SLIT3: variants seen among roughly 807,000 people sequenced by gnomAD.
SLIT3 encodes the protein slit homolog 3 protein.
Under a neutral mutation model 184.0 loss-of-function variants are expected in SLIT3, and 68 were observed. The observed-to-expected ratio is 0.37, with a 90% CI of 0.30 to 0.45. SLIT3 has a LOEUF of 0.45. SLIT3 is among the 20% of genes least tolerant of loss of function. SLIT3 has a pLI of 1.00. For missense variants in SLIT3, 1,707 were observed against 2,026.0 expected (o/e 0.84, Z 3.02); for synonymous variants, 831 against 828.6 (o/e 1.00, Z -0.05).
At chr5:169,078,794 A>G (rs1014301912) in intron 4 of SLIT3, among the ~76,000 whole-genome samples, 2 of 152,262 alleles carry the variant, frequency 1.3e-5, no homozygotes, top group South Asian at 4.1e-4. Flanking sequence ...TGTGGCAGAT[A>G]TCATACCAGA....
At chr5:169,138,772 T>A (rs1761619100) in intron 4 of SLIT3, among the ~76,000 whole-genome samples, 1 of 152,226 alleles carries the variant, frequency 6.6e-6, no homozygotes, top group Non-Finnish European at 1.5e-5. Context: ...GCATGGCATA[T>A]CCAGCAACAC....
chr5:168,669,252 C>T (rs10056503), intron 35 of SLIT3, among the ~76,000 whole-genome samples: 46,042 of 152,088 alleles, frequency 0.3, 7,627 homozygotes, highest in African/African-American at 0.43. Flanking sequence ...GTAGGTCATA[C>T]AAGACAAGTG....
chr5:169,137,333 C>G (rs62376878), intron 4 of SLIT3, among the ~76,000 whole-genome samples: 40,617 of 125,824 alleles, frequency 0.32, 6,414 homozygotes, highest in Middle Eastern at 0.43. Flanking sequence ...CACACACACA[C>G]ACAGAGAGAG....
At chr5:169,040,529 T>C (rs1055857786) in intron 4 of SLIT3, among the ~76,000 whole-genome samples, 12 of 152,344 alleles carry the variant, frequency 7.9e-5, no homozygotes, top group Admixed American at 4.6e-4. Flanking sequence ...CATCCTGCCC[T>C]TGACAACTTA....
intron 5 of SLIT3, among the ~76,000 whole-genome samples, chr5:168,869,513 G>A (rs1213747864): frequency 6.6e-6 from 1 of 152,186 alleles, no homozygotes; most frequent in Non-Finnish European, 1.5e-5. Context: ...AAGAAGGAAA[G>A]TCTCTGAGGC....
intron 15 of SLIT3, 62 bp downstream of exon 15, chr5:168,762,477 G>GCTGGCTC: frequency 6.4e-7 from 1 of 1,570,026 alleles, no homozygotes; most frequent in Non-Finnish European, 8.7e-7. Flanking sequence ...CCCTGCCCAC[G>GCTGGCTC]CTGGCTCCGG....
chr5:168,848,367 G>C (rs1758555116), intron 5 of SLIT3, among the ~76,000 whole-genome samples: 1 of 152,206 alleles, frequency 6.6e-6, no homozygotes, highest in Admixed American at 6.5e-5. Context: ...CTATCAGGGA[G>C]CCCTTGGGAA....
chr5:168,792,879 T>G (rs1286654877), intron 10 of SLIT3, among the ~76,000 whole-genome samples: 4 of 152,242 alleles, frequency 2.6e-5, no homozygotes, highest in African/African-American at 7.2e-5. Context: ...AGTGGAAAAT[T>G]CCACACCTGA....
chr5:168,781,026 C>T (rs1329933104), intron 12 of SLIT3, among the ~76,000 whole-genome samples: 1 of 152,214 alleles, frequency 6.6e-6, no homozygotes. Context: ...AACAGTGGCT[C>T]TTCCCTTCTC....
intron 3 of SLIT3, among the ~76,000 whole-genome samples, chr5:169,193,892 G>A (rs1258274813): frequency 9.2e-5 from 14 of 152,116 alleles, no homozygotes; most frequent in Admixed American, 2.6e-4. Flanking sequence ...CATGAGCTTC[G>A]TGTAGCTATT....
intron 4 of SLIT3, among the ~76,000 whole-genome samples, chr5:168,890,497 A>G (rs183303784): frequency 1.2e-4 from 18 of 152,354 alleles, no homozygotes; most frequent in East Asian, 1.9e-4. Flanking sequence ...CAGATAGACC[A>G]TGAACCTTGC....
intron 7 of SLIT3, 106 bp downstream of exon 7, chr5:168,823,154 C>T: frequency 2.2e-6 from 2 of 909,404 alleles, no homozygotes; most frequent in Non-Finnish European, 3.7e-6. Flanking sequence ...ATGTCGGAAC[C>T]ATCTGCCTAG....
chr5:169,044,599 T>TGGGGGGGGGGGGGGGGGGG (rs1581345949), intron 4 of SLIT3, among the ~76,000 whole-genome samples: 1 of 100,690 alleles, frequency 9.9e-6, no homozygotes, highest in African/African-American at 3.9e-5. Context: ...GGGGGGGGGA[T>TGGGGGGGGGGGGGGGGGGG]GGGGAGAAAT....
intron 4 of SLIT3, chr5:169,120,125 T>A (rs1021125117): frequency 2.0e-5 from 3 of 152,210 alleles, no homozygotes; most frequent in African/African-American, 7.2e-5. Context: ...CTACCTTTTG[T>A]CCCATTTAAA....
intron 4 of SLIT3, among the ~76,000 whole-genome samples, chr5:168,974,949 G>A (rs1426177684): frequency 2.0e-5 from 3 of 152,182 alleles, no homozygotes; most frequent in Non-Finnish European, 2.9e-5. Context: ...TTCATTTGCT[G>A]GACTTCCTCC....
intron 4 of SLIT3, among the ~76,000 whole-genome samples, chr5:169,038,481 C>G (rs1007553192): frequency 2.6e-5 from 4 of 152,098 alleles, no homozygotes; most frequent in African/African-American, 9.7e-5. Flanking sequence ...AAAAGGAAGA[C>G]CTATACTTAG....
At chr5:169,093,665 T>C (rs928930719) in intron 4 of SLIT3, among the ~76,000 whole-genome samples, 2 of 152,206 alleles carry the variant, frequency 1.3e-5, no homozygotes, top group Non-Finnish European at 1.5e-5. Context: ...AGAAGTAATA[T>C]ATTATTGTTA....
At chr5:169,248,878 T>A (rs982669365) in intron 2 of SLIT3, among the ~76,000 whole-genome samples, 4 of 152,210 alleles carry the variant, frequency 2.6e-5, no homozygotes, top group African/African-American at 9.6e-5. Context: ...TCTCCTTAAA[T>A]GCTCTTCATT....
In SLIT3 at chr5:168,928,725, G is replaced by A. The variant is rs1682348984; in HGVS notation, c.414-45389C>T. Among the ~76,000 whole-genome samples, 3 of 152,228 alleles carry A rather than the reference G, an allele frequency of 2.0e-5. No individual in the cohort carries two copies. The South Asian group carries it at 6.2e-4, about 32-fold the overall frequency. ...AAGCATTTAAACAGGAATGGCTGTA[G>A]TTAATACTGTAGGTACTACTTTACT... is the stretch of plus-strand genomic sequence containing the variant. On this transcript the variant is annotated intron_variant, in intron 4 of 35. Transcript: ENST00000519560.
Sources: allele counts gnomAD v4.1 joint callset (sites outside exome capture counted in the v4.1 genomes callset), GRCh38; gene constraint gnomAD v4.1.1; transcripts MANE v1.5; gene names NCBI Gene and HGNC (gene_info 2026-07-23, HGNC 2026-07-21).